AGMO: variants seen among roughly 807,000 people sequenced by gnomAD.
AGMO encodes the protein glyceryl-ether monooxygenase.
AGMO carries 75 observed loss-of-function variants against 60.2 expected under a neutral mutation model. The ratio of observed to expected loss-of-function variants is 1.25; its 90% CI spans 1.03 to 1.51. The LOEUF (loss-of-function observed/expected upper bound fraction) is 1.51, where lower values mean the gene tolerates loss of function less well. AGMO is among the 40% of genes most tolerant of loss of function. The pLI is 0.00. For synonymous variants in AGMO, 261 were observed against 177.1 expected (o/e 1.47, Z -3.76); for missense variants, 763 against 525.5 (o/e 1.45, Z -4.42).
chr7:15,335,492 A>G (rs1583421109), intron 12 of AGMO, among the ~76,000 whole-genome samples: 1 of 152,202 alleles, frequency 6.6e-6, no homozygotes, highest in East Asian at 1.9e-4. Context: ...GGCTTCAGTG[A>G]TTTTATGGTG....
intron 12 of AGMO, chr7:15,306,506 T>TA (rs1780618392): frequency 2.1e-6 from 1 of 469,592 alleles, no homozygotes; most frequent in Non-Finnish European, 4.4e-6. Context: ...CACTCAAACT[T>TA]AAAAGTTCTC....
intron 3 of AGMO, among the ~76,000 whole-genome samples, chr7:15,511,882 G>T (rs1783682811): frequency 6.6e-6 from 1 of 152,004 alleles, no homozygotes; most frequent in Non-Finnish European, 1.5e-5. Context: ...AGACAGAGAA[G>T]GCAGCCATCC....
chr7:15,387,353 C>A, intron 9 of AGMO, 53 bp downstream of exon 9: 2 of 1,588,784 alleles, frequency 1.3e-6, no homozygotes, highest in Admixed American at 1.8e-5. Flanking sequence ...TGGCTGTAGA[C>A]CTGACAATAT....
intron 3 of AGMO, among the ~76,000 whole-genome samples, chr7:15,515,060 G>A (rs1223868198): frequency 6.6e-6 from 1 of 152,144 alleles, no homozygotes; most frequent in Non-Finnish European, 1.5e-5. Context: ...GTCTGTTTAG[G>A]CACGGGAGGA....
downstream of AGMO, among the ~76,000 whole-genome samples, chr7:15,198,211 G>A (rs1273322060): frequency 1.1e-5 from 1 of 88,268 alleles, no homozygotes; most frequent in African/African-American, 7.4e-5. Flanking sequence ...GAGAGAGAGA[G>A]AGAGAGAGAG....
At chr7:15,199,978 T>A (rs1003972094), downstream of AGMO, among the ~76,000 whole-genome samples, 1 of 152,184 alleles carries the variant, frequency 6.6e-6, no homozygotes, top group Non-Finnish European at 1.5e-5. Flanking sequence ...TAATACTCTA[T>A]ATTTTTGTCC....
At chr7:15,135,979 C>CTTTTTTTTTTT in the AGMO span, among the ~76,000 whole-genome samples, 41 of 106,804 alleles carry the variant, frequency 3.8e-4, no homozygotes, top group East Asian at 1.2e-3. Context: ...TTTTTCTTTT[C>CTTTTTTTTTTT]TTTTTTTTTT....
In AGMO at chr7:15,241,439, G is replaced by A. The variant is rs140129362; in HGVS notation, c.1264-40080C>T. Among the ~76,000 whole-genome samples the A allele has an allele frequency of 2.4e-4, 26 of 107,524 alleles. No homozygotes were observed. In the Admixed American group the frequency reaches 2.5e-3, roughly 10 times the overall value. 70.5% of individuals were successfully genotyped at this position (107,524 alleles called of 152,430 possible). The stretch of plus-strand genomic sequence containing the variant: ...AGCGCCACTGCAGTCCAGCTTGGGC[G>A]AAAGAGTGAGACTCCGTCTCAAAAA... On this transcript the variant is annotated intron_variant, in intron 12 of 12. Coordinates refer to ENST00000342526, the MANE Select transcript of AGMO (RefSeq NM_001004320.2).
the AGMO span, among the ~76,000 whole-genome samples, chr7:15,151,584 G>A: frequency 6.6e-6 from 1 of 152,098 alleles, no homozygotes; most frequent in African/African-American, 2.4e-5. Flanking sequence ...TTCAGAAGCA[G>A]GTTGTTTAAT....
chr7:15,376,998 T>C (rs1783484538), intron 10 of AGMO, among the ~76,000 whole-genome samples: 1 of 152,110 alleles, frequency 6.6e-6, no homozygotes, highest in African/African-American at 2.4e-5. Flanking sequence ...TAAGTATTTA[T>C]CTTCTCTAAT....
chr7:15,252,403 C>A (rs1057108673), intron 12 of AGMO, among the ~76,000 whole-genome samples: 5 of 152,160 alleles, frequency 3.3e-5, no homozygotes, highest in Non-Finnish European at 5.9e-5. Flanking sequence ...TGGAATATGG[C>A]AAAGGCTGCA....
At chr7:15,170,989 T>C in the AGMO span, among the ~76,000 whole-genome samples, 1 of 152,152 alleles carries the variant, frequency 6.6e-6, no homozygotes, top group Non-Finnish European at 1.5e-5. Flanking sequence ...TTTTGTATGT[T>C]TTTTTAGATG....
At chr7:15,508,042 G>A (rs1465610108) in intron 3 of AGMO, among the ~76,000 whole-genome samples, 1 of 152,054 alleles carries the variant, frequency 6.6e-6, no homozygotes, top group Non-Finnish European at 1.5e-5. Context: ...ACAAGGAAAA[G>A]TTGAAAGAAT....
the AGMO span, among the ~76,000 whole-genome samples, chr7:15,167,363 C>A: frequency 1.3e-5 from 2 of 152,018 alleles, no homozygotes; most frequent in Non-Finnish European, 2.9e-5. Flanking sequence ...TAGCTTCTTT[C>A]GGACTTTATT....
At chr7:15,273,630 T>G (rs1783684057) in intron 12 of AGMO, among the ~76,000 whole-genome samples, 1 of 152,150 alleles carries the variant, frequency 6.6e-6, no homozygotes, top group African/African-American at 2.4e-5. Flanking sequence ...CATATGAACT[T>G]TAAAGTAGTT....
chr7:15,479,166 A>G (rs1782681044), intron 3 of AGMO, among the ~76,000 whole-genome samples: 2 of 152,184 alleles, frequency 1.3e-5, no homozygotes. Flanking sequence ...GACATTAAAT[A>G]TGATATAATT....
chr7:15,339,065 CG>C lies in AGMO; in HGVS notation c.1263+26448del, dbSNP rs1225230918. Among the ~76,000 whole-genome samples the C allele has an allele frequency of 5.3e-5, 8 of 152,090 alleles. No individual in the cohort carries two copies. The East Asian group carries it at 1.5e-3, about 29-fold the overall frequency. The stretch of plus-strand genomic sequence containing the variant: ...TAATTTCTCCAGGTTACTGTAGTAG[CG>C]GAACTGCAAGCTATGGAAACCACTG... On this transcript the variant is annotated intron_variant, in intron 12 of 12. Transcript: ENST00000342526.
intron 12 of AGMO, among the ~76,000 whole-genome samples, chr7:15,223,453 G>A (rs1277995486): frequency 7.9e-5 from 12 of 151,856 alleles, no homozygotes. Context: ...ATGAACATTT[G>A]TTAAAGATTC....
chr7:15,407,523 C>T lies in AGMO; in HGVS notation c.609+11035G>A, dbSNP rs1784738545. On this transcript the variant is annotated intron_variant, in intron 5 of 12. Transcript: ENST00000342526. ...GTAGATGACTTAAGGTGATGAAAGG[C>T]ATAATAAAATACATTTTAGATATGC... 5.9e-5 allele frequency among the ~76,000 whole-genome samples: 9 copies of T among 151,296 alleles called. No individual in the cohort carries two copies. In the South Asian group the frequency reaches 1.9e-3, roughly 31 times the overall value.
Sources: gnomAD v4.1 joint callset for allele counts (sites outside exome capture counted in the v4.1 genomes callset) on GRCh38, gnomAD v4.1.1 for gene constraint, MANE v1.5 for transcripts, NCBI Gene and HGNC (gene_info 2026-07-23, HGNC 2026-07-21) for gene names.